CNOT6: variants seen among roughly 807,000 people sequenced by gnomAD.
CNOT6 encodes carbon catabolite repression 4 protein.
Under a neutral mutation model 61.2 loss-of-function variants are expected in CNOT6, and 12 were observed. The ratio of observed to expected loss-of-function variants is 0.20; its 90% CI spans 0.13 to 0.32. The LOEUF is 0.32. Ranked by LOEUF, CNOT6 falls within the 10% of genes least tolerant of loss-of-function variation. The probability of loss-of-function intolerance (pLI) is 1.00; values close to 1 mark genes in which losing one functional copy is unlikely to be tolerated. For missense variants in CNOT6, 405 were observed against 663.9 expected (o/e 0.61, Z 4.28); for synonymous variants, 225 against 240.6 (o/e 0.94, Z 0.60).
At chr5:180,515,962 G>A (rs552605869) in intron 1 of CNOT6, among the ~76,000 whole-genome samples, 1 of 152,248 alleles carries the variant, frequency 6.6e-6, no homozygotes, top group South Asian at 2.1e-4. Context: ...GGCTGGTGGA[G>A]TGCAGTGGCT....
At chr5:180,494,963 C>A (rs966952359) in intron 1 of CNOT6, among the ~76,000 whole-genome samples, 200 bp downstream of exon 1, 3 of 151,418 alleles carry the variant, frequency 2.0e-5, no homozygotes, top group African/African-American at 7.3e-5. Context: ...CGCCCCCGGG[C>A]CGAGTCCCTG....
intron 1 of CNOT6, among the ~76,000 whole-genome samples, chr5:180,513,111 A>T (rs998324875): frequency 2.6e-5 from 4 of 151,276 alleles, no homozygotes; most frequent in African/African-American, 7.3e-5. Context: ...GTTAGCCAGG[A>T]TGGTCTGGAA....
At position 180,574,282 on chromosome 5, in the gene CNOT6, A is replaced by C; in HGVS notation, c.*82A>C. On this transcript the variant is annotated 3_prime_UTR_variant, in exon 12 of 12. Transcript: ENST00000261951. The stretch of plus-strand genomic sequence containing the variant: ...ATAGGGGAGTGAGGTATGGCCACTG[A>C]GGATTTTTGCTTGCTTAAGAATGAT... The C allele has an allele frequency of 8.6e-7, 1 of 1,156,896 alleles. No individual in the cohort carries two copies. Among genetic ancestry groups the C allele is most frequent in the South Asian group, 1.3e-5 (1 of 78,120 alleles). The allele number at this position is 1,156,896 out of a possible 1,614,324, so 71.7% of individuals were successfully genotyped here. A position where few individuals can be genotyped will look rare whatever the true frequency, so the allele number is the denominator to read the frequency against.
At chr5:180,511,066 A>G (rs1487188105) in intron 1 of CNOT6, among the ~76,000 whole-genome samples, 1 of 152,082 alleles carries the variant, frequency 6.6e-6, no homozygotes, top group Non-Finnish European at 1.5e-5. Flanking sequence ...CGGCCTCCCA[A>G]AGTGTTGGGA....
At chr5:180,549,469 G>GA (rs1480753069) in intron 2 of CNOT6, among the ~76,000 whole-genome samples, 1 of 152,022 alleles carries the variant, frequency 6.6e-6, no homozygotes, top group African/African-American at 2.4e-5. Flanking sequence ...TTAACACCGT[G>GA]AAACCCCGTC....
At chr5:180,517,229 C>A (rs1394534862) in intron 1 of CNOT6, among the ~76,000 whole-genome samples, 1 of 152,164 alleles carries the variant, frequency 6.6e-6, no homozygotes, top group African/African-American at 2.4e-5. Flanking sequence ...CCCCGACTTT[C>A]CTGGCTCAGG....
At chr5:180,496,084 T>A (rs1756600868) in intron 1 of CNOT6, among the ~76,000 whole-genome samples, 1 of 152,108 alleles carries the variant, frequency 6.6e-6, no homozygotes, top group African/African-American at 2.4e-5. Flanking sequence ...AATTTTTTAA[T>A]TTTTTGTAGA....
chr5:180,555,413 T>C (rs1759833176), intron 4 of CNOT6, among the ~76,000 whole-genome samples: 1 of 152,226 alleles, frequency 6.6e-6, no homozygotes, highest in Admixed American at 6.5e-5. Context: ...TCCCTTGCTT[T>C]TCCATTTCAG....
At chr5:180,537,893 A>G (rs1343730447) in intron 2 of CNOT6, among the ~76,000 whole-genome samples, 1 of 150,910 alleles carries the variant, frequency 6.6e-6, no homozygotes, top group Non-Finnish European at 1.5e-5. Flanking sequence ...CTAACTTCAG[A>G]TCTTTTAAGT....
At chr5:180,537,958 C>G (rs539503152) in intron 2 of CNOT6, among the ~76,000 whole-genome samples, 1 of 151,904 alleles carries the variant, frequency 6.6e-6, no homozygotes, top group East Asian at 1.9e-4. Flanking sequence ...TGTCTCACAC[C>G]AGACCCAGCA....
Position 180,567,989 on chromosome 5 carries a change from C to G in CNOT6, c.1013C>G (p.Ser338Trp). ...VAVLLELRKE[S>W]IEMPSGKPHL... is the part of the protein sequence containing the mutation. ...GTACTGCTAGAACTTCGGAAGGAATCGATTGAAATGCCGTGTGAGTGCCCT... is the reference window on the plus strand; with the variant it reads ...GTACTGCTAGAACTTCGGAAGGAATGGATTGAAATGCCGTGTGAGTGCCCT... Residue 338 changes from serine to tryptophan, a missense_variant, in exon 9 of 12, where the codon TCG (serine) becomes TGG (tryptophan). Ser to Trp is a radical substitution (Grantham distance 177, BLOSUM62 -3). This residue lies in a region of CNOT6 where 116 missense variants were observed against 184.6 expected (regional missense o/e 0.63). Transcript: ENST00000261951. The G allele has an allele frequency of 3.1e-6, 5 of 1,606,820 alleles. No homozygotes were observed. Among genetic ancestry groups the G allele is most frequent in the Non-Finnish European group, 4.3e-6 (5 of 1,174,452 alleles).
At position 180,577,196 on chromosome 5, in the gene CNOT6, T is replaced by TGTGTGTGTGTGTGTGTGTG. The variant is rs1554105000; in HGVS notation, c.*2996_*2997insGTGTGTGTGTGTGTGTGTG. 1.3e-5 allele frequency: 2 copies of TGTGTGTGTGTGTGTGTGTG among 152,150 alleles called. No individual in the cohort carries two copies. Among genetic ancestry groups the TGTGTGTGTGTGTGTGTGTG allele is most frequent in the African/African-American group, 4.8e-5 (2 of 41,286 alleles). The allele number at this position is 152,150 out of a possible 1,614,324, so 9.4% of individuals were successfully genotyped here. A position where few individuals can be genotyped will look rare whatever the true frequency, so the allele number is the denominator to read the frequency against. ...GTGTGTGTGTGTGTGTGTGTGTGTG[T>TGTGTGTGTGTGTGTGTGTG]TTAATATGATTTAGTGACAACCAGG... On this transcript the variant is annotated 3_prime_UTR_variant, in exon 12 of 12. Transcript: ENST00000261951.
At chr5:180,558,129 T>G (rs1473426721) in intron 4 of CNOT6, among the ~76,000 whole-genome samples, 3 of 152,224 alleles carry the variant, frequency 2.0e-5, no homozygotes, top group Non-Finnish European at 2.9e-5. Context: ...ATCGGCTCTT[T>G]GAGCCTCAGA....
chr5:180,507,541 G>A (rs1757180234), intron 1 of CNOT6, among the ~76,000 whole-genome samples: 2 of 152,216 alleles, frequency 1.3e-5, no homozygotes. Context: ...GGCAGAGGTT[G>A]CAGTGAACCG....
At chr5:180,547,081 T>C (rs1759351378) in intron 2 of CNOT6, among the ~76,000 whole-genome samples, 1 of 152,236 alleles carries the variant, frequency 6.6e-6, no homozygotes, top group Non-Finnish European at 1.5e-5. Context: ...CACTATTTCA[T>C]GTCATTGTTC....
intron 2 of CNOT6, among the ~76,000 whole-genome samples, chr5:180,532,932 C>T (rs1342014543): frequency 6.6e-6 from 1 of 152,064 alleles, no homozygotes; most frequent in Non-Finnish European, 1.5e-5. Flanking sequence ...GTGTCCATGC[C>T]CTCCCTGGGC....
intron 4 of CNOT6, among the ~76,000 whole-genome samples, chr5:180,556,074 A>G (rs572494252): frequency 6.6e-6 from 1 of 152,022 alleles, no homozygotes; most frequent in African/African-American, 2.4e-5. Context: ...CCTTTACCCA[A>G]CTCCCTCCAA....
At chr5:180,567,744 C>A in intron 8 of CNOT6, 105 bp from the exon 9 acceptor site, 1 of 1,465,080 alleles carries the variant, frequency 6.8e-7, no homozygotes, top group Non-Finnish European at 9.5e-7. Context: ...GATTTAAGTG[C>A]CATCGTATCT....
chr5:180,545,682 T>G (rs1759281991), intron 2 of CNOT6, among the ~76,000 whole-genome samples: 1 of 152,256 alleles, frequency 6.6e-6, no homozygotes, highest in South Asian at 2.1e-4. Flanking sequence ...GCCGTGAACA[T>G]TCCCCTTTGT....
Sources: allele counts gnomAD v4.1 joint callset (sites outside exome capture counted in the v4.1 genomes callset), GRCh38; gene constraint gnomAD v4.1.1; regional missense constraint gnomAD v4.1.1; transcripts MANE v1.5; gene names NCBI Gene and HGNC (gene_info 2026-07-23, HGNC 2026-07-21).